The following PAFAH1B1 variants were observed in gnomAD, a reference collection of about 807,000 sequenced individuals.
PAFAH1B1 encodes the protein platelet activating factor acetylhydrolase 1b regulatory subunit 1.
A neutral mutation model predicts 57.5 loss-of-function variants in PAFAH1B1; 2 were observed. The ratio of observed to expected loss-of-function variants is 0.03; its 90% CI spans 0.01 to 0.11. The LOEUF (loss-of-function observed/expected upper bound fraction) is 0.11, where lower values mean the gene tolerates loss of function less well. PAFAH1B1 is among the 10% of genes least tolerant of loss of function. PAFAH1B1 has a pLI of 1.00. For missense variants in PAFAH1B1, 257 were observed against 512.0 expected, an observed-to-expected ratio of 0.50 and a Z score of 4.81; for synonymous variants, 152 against 169.6, an observed-to-expected ratio of 0.90 and a Z score of 0.81.
At chr17:2,670,002 A>T (rs1597571599) in intron 5 of PAFAH1B1, among the ~76,000 whole-genome samples, 161 bp from the exon 6 acceptor site, 1 of 152,232 alleles carries the variant, frequency 6.6e-6, no homozygotes, top group East Asian at 1.9e-4. Context: ...AGAAAAAAAG[A>T]CCAATTTATA....
chr17:2,624,121 T>A (rs2068458673), intron 1 of PAFAH1B1, among the ~76,000 whole-genome samples: 1 of 151,946 alleles, frequency 6.6e-6, no homozygotes, highest in Non-Finnish European at 1.5e-5. Context: ...ATAATAAGAG[T>A]CACCTTTGCT....
intron 1 of PAFAH1B1, among the ~76,000 whole-genome samples, chr17:2,597,027 C>T (rs1429268141): frequency 6.6e-6 from 1 of 152,136 alleles, no homozygotes; most frequent in East Asian, 1.9e-4. Flanking sequence ...TGCCACTGTA[C>T]TCCAGCCTGG....
intron 1 of PAFAH1B1, among the ~76,000 whole-genome samples, chr17:2,628,420 C>T (rs2068518441): frequency 6.6e-6 from 1 of 152,004 alleles, no homozygotes; most frequent in South Asian, 2.1e-4. Context: ...TAATATGAAA[C>T]CTACTTGATC....
intron 1 of PAFAH1B1, among the ~76,000 whole-genome samples, chr17:2,612,305 G>A (rs1220833973): frequency 2.0e-5 from 3 of 151,340 alleles, no homozygotes; most frequent in Non-Finnish European, 4.4e-5. Flanking sequence ...GTGGGTTCGA[G>A]TGATTCTCCT....
At chr17:2,676,299 A>G (rs1450943393) in intron 8 of PAFAH1B1, 14 of 501,274 alleles carry the variant, frequency 2.8e-5, no homozygotes, top group Non-Finnish European at 5.1e-5. Flanking sequence ...ATTCGCTTGA[A>G]CCCGGGAGGC....
intron 1 of PAFAH1B1, among the ~76,000 whole-genome samples, chr17:2,606,565 G>A (rs750762113): frequency 9.9e-5 from 15 of 152,042 alleles, no homozygotes; most frequent in African/African-American, 1.4e-4. Context: ...GTTTCACCAC[G>A]TTGGCCAGGC....
chr17:2,655,166 A>T (rs1039518404), intron 2 of PAFAH1B1, among the ~76,000 whole-genome samples: 26 of 143,570 alleles, frequency 1.8e-4, no homozygotes, highest in South Asian at 1.6e-3. Flanking sequence ...TCATTTAAAA[A>T]ATATATATAT....
intron 1 of PAFAH1B1, among the ~76,000 whole-genome samples, chr17:2,634,526 A>G (rs1567538560): frequency 1.3e-5 from 2 of 152,212 alleles, no homozygotes; most frequent in African/African-American, 2.4e-5. Context: ...GTCCTGTAAG[A>G]TATACCCAGT....
In PAFAH1B1 at chr17:2,685,608, T is replaced by C. The variant is rs940303366; in HGVS notation, c.*3806T>C. On this transcript the variant is annotated 3_prime_UTR_variant, in exon 11 of 11. Coordinates refer to ENST00000397195, the MANE Select transcript of PAFAH1B1 (RefSeq NM_000430.4). ...CAACTGGTAAACTATTAAATGCCTA[T>C]AAAACTAGATGTGATTTTTTTTTTT... 2 of 147,476 alleles carry C rather than the reference T, an allele frequency of 1.4e-5. No individual in the cohort carries two copies. Among genetic ancestry groups the C allele is most frequent in the African/African-American group, 5.0e-5 (2 of 39,940 alleles). 9.1% of individuals were successfully genotyped at this position (147,476 alleles called of 1,614,324 possible).
At chr17:2,628,790 A>G (rs2068522932) in intron 1 of PAFAH1B1, among the ~76,000 whole-genome samples, 1 of 152,090 alleles carries the variant, frequency 6.6e-6, no homozygotes, top group Admixed American at 6.6e-5. Flanking sequence ...TGTTCAGCGT[A>G]TCTAATTCTT....
chr17:2,662,410 G>A (rs902328853), intron 2 of PAFAH1B1, among the ~76,000 whole-genome samples: 1 of 150,662 alleles, frequency 6.6e-6, no homozygotes, highest in African/African-American at 2.4e-5. Context: ...GTGTGTGTGT[G>A]TGTGTGTGTG....
chr17:2,604,376 A>G (rs1397712663), intron 1 of PAFAH1B1, among the ~76,000 whole-genome samples: 4 of 152,190 alleles, frequency 2.6e-5, no homozygotes, highest in African/African-American at 9.7e-5. Flanking sequence ...TAGGAAAATC[A>G]GTGTACTTGG....
intron 2 of PAFAH1B1, among the ~76,000 whole-genome samples, chr17:2,658,269 TTAAG>T (rs1398495954): frequency 1.3e-5 from 2 of 152,180 alleles, no homozygotes; most frequent in African/African-American, 4.8e-5. Flanking sequence ...TCTTAGACCT[TTAAG>T]TATTTTAGTT....
intron 2 of PAFAH1B1, among the ~76,000 whole-genome samples, chr17:2,646,466 A>T (rs1473447623): frequency 1.3e-5 from 2 of 152,166 alleles, no homozygotes; most frequent in South Asian, 4.1e-4. Flanking sequence ...CTGCCTGGCC[A>T]ACATGGTGAA....
chr17:2,607,609 G>A (rs1435973679), intron 1 of PAFAH1B1, among the ~76,000 whole-genome samples: 1 of 151,028 alleles, frequency 6.6e-6, no homozygotes, highest in African/African-American at 2.4e-5. Flanking sequence ...TCAGCCACCC[G>A]AGTAGTTGGG....
At chr17:2,679,284 A>G (rs1038356348) in intron 9 of PAFAH1B1, among the ~76,000 whole-genome samples, 1 of 152,232 alleles carries the variant, frequency 6.6e-6, no homozygotes, top group Non-Finnish European at 1.5e-5. Flanking sequence ...GCATGTCCTT[A>G]AAGATAAATT....
At chr17:2,595,290 A>G (rs538560646) in intron 1 of PAFAH1B1, among the ~76,000 whole-genome samples, 1 of 152,132 alleles carries the variant, frequency 6.6e-6, no homozygotes, top group South Asian at 2.1e-4. Context: ...ATTTTTGGCA[A>G]TTCTGTTTTT....
At position 2,648,532 on chromosome 17, in the gene PAFAH1B1, G is replaced by T. The variant is rs376007238; in HGVS notation, c.32+10212G>T. Among the ~76,000 whole-genome samples the T allele has an allele frequency of 2.8e-4, 43 of 152,140 alleles. 1 individual carries two copies. In the South Asian group the frequency reaches 8.5e-3, roughly 30 times the overall value. Reference sequence around the variant, plus strand: ...TACCTACTAAAAATACAAAAAAATAGCCGGGTGTGGTGGCACACACCTGTA... The same window carrying T: ...TACCTACTAAAAATACAAAAAAATATCCGGGTGTGGTGGCACACACCTGTA... On this transcript the variant is annotated intron_variant, in intron 2 of 10. Coordinates refer to ENST00000397195, the MANE Select transcript of PAFAH1B1 (RefSeq NM_000430.4).
chr17:2,624,936 TC>T, intron 1 of PAFAH1B1, among the ~76,000 whole-genome samples: 1 of 152,318 alleles, frequency 6.6e-6, no homozygotes, highest in East Asian at 1.9e-4. Flanking sequence ...CTTTATTTCT[TC>T]CTTCTACATC....
Sources: gnomAD v4.1 joint callset for allele counts (sites outside exome capture counted in the v4.1 genomes callset) on GRCh38, gnomAD v4.1.1 for gene constraint, MANE v1.5 for transcripts, NCBI Gene and HGNC (gene_info 2026-07-23, HGNC 2026-07-21) for gene names.